Variants in SHISAL2A observed in about 807,000 individuals in gnomAD.
SHISAL2A encodes shisa like 2A.
SHISAL2A carries 18 observed loss-of-function variants against 11.5 expected under a neutral mutation model. The observed-to-expected ratio is 1.57, with a 90% CI of 1.08 to 2.33. The LOEUF (loss-of-function observed/expected upper bound fraction) is 2.33. SHISAL2A is among the 30% of genes most tolerant of loss of function. The pLI, the probability that SHISAL2A is intolerant of heterozygous loss-of-function variation, is 0.00. For synonymous variants in SHISAL2A, 94 were observed against 99.6 expected (o/e 0.94, Z 0.34); for missense variants, 261 against 250.9 (o/e 1.04, Z -0.27).
chr1:52,649,450 G>A (rs1691577870), intron 2 of SHISAL2A, among the ~76,000 whole-genome samples: 1 of 152,160 alleles, frequency 6.6e-6, no homozygotes, highest in African/African-American at 2.4e-5. Context: ...GGCAAGGGTG[G>A]GGTGGGGAGT....
intron 2 of SHISAL2A, among the ~76,000 whole-genome samples, chr1:52,654,058 A>C (rs1691733291): frequency 6.6e-6 from 1 of 152,004 alleles, no homozygotes; most frequent in African/African-American, 2.4e-5. Context: ...ACAATTGGAG[A>C]GGGATCACCA....
intron 1 of SHISAL2A, among the ~76,000 whole-genome samples, chr1:52,634,267 G>T (rs992409518): frequency 5.3e-5 from 8 of 151,714 alleles, no homozygotes; most frequent in African/African-American, 1.9e-4. Context: ...CTTAACCCTC[G>T]CCTGGTGCTA....
In SHISAL2A at chr1:52,633,634, C is replaced by A. The variant is rs767446456; in HGVS notation, c.141C>A (p.His47Gln). 1.4e-5 allele frequency: 22 copies of A among 1,613,206 alleles called. No homozygotes were observed. Among genetic ancestry groups the A allele is most frequent in the Non-Finnish European group, 1.9e-5 (22 of 1,179,560 alleles). Residue 47 changes from histidine (H) to glutamine (Q), a missense_variant, in exon 1 of 3, where the codon CAC becomes CAA. By Grantham distance (24) the His-to-Gln change is conservative. Transcript: ENST00000517870. The surrounding 1 kb of genome is among the most constrained non-coding windows in gnomAD (Gnocchi z 6.4). ...RDHKYCCDDPHSFFPYEHSYM... is the reference protein window; with the variant it reads ...RDHKYCCDDPQSFFPYEHSYM... Reference sequence around the variant, plus strand: ...ACAAGTACTGCTGCGACGACCCGCACAGCTTCTTCCCCTACGAGCACAGCT... The same window carrying A: ...ACAAGTACTGCTGCGACGACCCGCAAAGCTTCTTCCCCTACGAGCACAGCT...
intron 2 of SHISAL2A, among the ~76,000 whole-genome samples, chr1:52,650,087 GC>G (rs1477651575): frequency 7.9e-5 from 12 of 152,218 alleles, no homozygotes; most frequent in Admixed American, 1.3e-4. Flanking sequence ...ACTTTCATCA[GC>G]CCCTCCCACC....
intron 2 of SHISAL2A, among the ~76,000 whole-genome samples, chr1:52,651,215 A>G (rs574436501): frequency 3.9e-5 from 6 of 152,148 alleles, no homozygotes; most frequent in African/African-American, 1.2e-4. Context: ...TTCTTGAGCA[A>G]TCTCCAATAT....
downstream of SHISAL2A, chr1:52,657,136 G>A: frequency 2.1e-6 from 3 of 1,453,838 alleles, no homozygotes; most frequent in Middle Eastern, 1.9e-4. Context: ...TGATAAATGA[G>A]GGCTTCTCCC....
downstream of SHISAL2A, among the ~76,000 whole-genome samples, chr1:52,660,065 G>A (rs1408489536): frequency 6.6e-6 from 1 of 152,142 alleles, no homozygotes; most frequent in African/African-American, 2.4e-5. Flanking sequence ...TCAGGAGTAA[G>A]TCCCCAGAAT....
At chr1:52,635,168 C>T (rs1236637260) in intron 1 of SHISAL2A, among the ~76,000 whole-genome samples, 1 of 152,120 alleles carries the variant, frequency 6.6e-6, no homozygotes, top group African/African-American at 2.4e-5. Context: ...TTATTCCCTG[C>T]CCCTGAGGAA....
At chr1:52,655,727 A>G (rs1316871475) in intron 2 of SHISAL2A, among the ~76,000 whole-genome samples, 2 of 152,256 alleles carry the variant, frequency 1.3e-5, no homozygotes, top group Admixed American at 6.5e-5. Context: ...GATTAAAGCC[A>G]CAATGAGATG....
intron 4 of SHISAL2A, among the ~76,000 whole-genome samples, chr1:52,663,232 C>T (rs1380756223): frequency 6.6e-6 from 1 of 152,124 alleles, no homozygotes; most frequent in East Asian, 1.9e-4. Flanking sequence ...AATTATTATC[C>T]CCATTTGAAA....
chr1:52,632,837 C>T (rs1217429119), upstream of SHISAL2A, among the ~76,000 whole-genome samples: 6 of 152,202 alleles, frequency 3.9e-5, no homozygotes, highest in Admixed American at 1.3e-4. Flanking sequence ...GGCTTAGGAA[C>T]TCCGGGAAAT....
At position 52,655,011 on chromosome 1, in the gene SHISAL2A, C is replaced by T. The variant is rs1691759694; in HGVS notation, c.323-1779C>T. Among the ~76,000 whole-genome samples, 3 of 151,990 alleles carry T rather than the reference C, an allele frequency of 2.0e-5. No individual in the cohort carries two copies. In the South Asian group the frequency reaches 6.2e-4, roughly 32 times the overall value. ...AAGCCTGGCTGACATGGCGAAACCC[C>T]GTCTCTACTAAAAATACAAAAAGAA... is the stretch of plus-strand genomic sequence containing the variant. On this transcript the variant is annotated intron_variant, in intron 2 of 2. Coordinates refer to ENST00000517870, the MANE Select transcript of SHISAL2A (RefSeq NM_001042693.3).
At chr1:52,659,768 AC>A (rs1443964248), downstream of SHISAL2A, among the ~76,000 whole-genome samples, 2 of 152,220 alleles carry the variant, frequency 1.3e-5, no homozygotes, top group African/African-American at 4.8e-5. Flanking sequence ...CCTTCACAGG[AC>A]GAATTCCTTC....
chr1:52,653,629 CA>C (rs919315350), intron 2 of SHISAL2A, among the ~76,000 whole-genome samples: 6 of 145,462 alleles, frequency 4.1e-5, no homozygotes, highest in African/African-American at 1.0e-4. Context: ...ACCAACCAAA[CA>C]AAAAAAAAAC....
intron 1 of SHISAL2A, among the ~76,000 whole-genome samples, chr1:52,641,920 TG>T (rs1367672213): frequency 1.3e-5 from 2 of 151,980 alleles, no homozygotes; most frequent in Non-Finnish European, 2.9e-5. Context: ...CTGGGCAACA[TG>T]GCAAAACCCC....
chr1:52,650,040 C>T (rs1691592349), intron 2 of SHISAL2A, among the ~76,000 whole-genome samples: 2 of 152,164 alleles, frequency 1.3e-5, no homozygotes, highest in East Asian at 1.9e-4. Flanking sequence ...CAGCCAGAGA[C>T]CTTTCCCTGC....
intron 1 of SHISAL2A, among the ~76,000 whole-genome samples, chr1:52,642,479 G>T (rs1270464423): frequency 6.7e-6 from 1 of 149,904 alleles, no homozygotes; most frequent in Non-Finnish European, 1.5e-5. Context: ...AAGCTGGAGT[G>T]CAGTGGCACG....
Position 52,638,744 on chromosome 1 carries a change from G to C in SHISAL2A, c.183-4119G>C, listed in dbSNP as rs190626156. ...TGTACTCCTCAGGGTTATCCCACCT[G>C]ACGGCCAGGAAGCTGGATATTTAGC... is the stretch of plus-strand genomic sequence containing the variant. On this transcript the variant is annotated intron_variant, in intron 1 of 2. Transcript: ENST00000517870. Among the ~76,000 whole-genome samples, 113 of 152,340 alleles carry C rather than the reference G, an allele frequency of 7.4e-4. 1 individual carries two copies. The highest frequency in any genetic ancestry group is 1.5e-5 in the Non-Finnish European group (1 of 68,028).
chr1:52,655,791 A>T (rs372774995), intron 2 of SHISAL2A, among the ~76,000 whole-genome samples: 1 of 152,362 alleles, frequency 6.6e-6, no homozygotes. Flanking sequence ...CAGAAAGAAT[A>T]GTACATAGAC....
Sources: gnomAD v4.1 joint callset for allele counts (sites outside exome capture counted in the v4.1 genomes callset) on GRCh38, gnomAD v4.1.1 for gene constraint, Gnocchi (gnomAD v3.1) non-coding constraint, MANE v1.5 for transcripts, NCBI Gene and HGNC (gene_info 2026-07-23, HGNC 2026-07-21) for gene names.